The following STOX2 variants were observed in gnomAD, a reference collection of about 807,000 sequenced individuals.
The protein encoded by STOX2 is storkhead box 2, also known as storkhead-box protein 2.
A neutral mutation model predicts 60.9 loss-of-function variants in STOX2; 28 were observed. That is an observed-to-expected ratio of 0.46 (90% CI 0.34 to 0.63). The LOEUF (loss-of-function observed/expected upper bound fraction) is 0.63. STOX2 is among the 30% of genes least tolerant of loss of function. The probability of loss-of-function intolerance (pLI) is 0.01; values close to 1 mark genes in which losing one functional copy is unlikely to be tolerated. For synonymous variants in STOX2, 472 were observed against 463.9 expected (o/e 1.02, Z -0.22); for missense variants, 1,024 against 1,187.7 (o/e 0.86, Z 2.03).
At chr4:183,861,137 T>C (rs1162829058) in intron 1 of STOX2, among the ~76,000 whole-genome samples, 1 of 152,168 alleles carries the variant, frequency 6.6e-6, no homozygotes, top group Non-Finnish European at 1.5e-5. Context: ...CGCTCCTAAC[T>C]AAAAGTGCTG....
At chr4:183,837,456 C>T (rs767209375) in intron 1 of STOX2, among the ~76,000 whole-genome samples, 15 of 151,508 alleles carry the variant, frequency 9.9e-5, no homozygotes, top group Admixed American at 9.2e-4. Flanking sequence ...TTTCAGAGTC[C>T]GTGCTTTTTT....
intron 1 of STOX2, among the ~76,000 whole-genome samples, chr4:183,812,940 A>G (rs1739068569): frequency 6.6e-6 from 1 of 152,266 alleles, no homozygotes; most frequent in Non-Finnish European, 1.5e-5. Context: ...TGCCTTCTCA[A>G]GTCATAAAAG....
intron 1 of STOX2, among the ~76,000 whole-genome samples, chr4:183,971,975 T>C (rs1442082291): frequency 6.6e-6 from 1 of 152,196 alleles, no homozygotes; most frequent in African/African-American, 2.4e-5. Context: ...CGAAATCCAG[T>C]AGGTCACACT....
intron 1 of STOX2, among the ~76,000 whole-genome samples, chr4:183,862,874 C>G (rs1171999673): frequency 3.3e-5 from 5 of 152,172 alleles, no homozygotes; most frequent in African/African-American, 1.2e-4. Context: ...TGGACCGTCA[C>G]TACCACCTCG....
intron 1 of STOX2, among the ~76,000 whole-genome samples, chr4:183,927,839 A>G (rs1742288636): frequency 6.6e-6 from 1 of 152,120 alleles, no homozygotes; most frequent in South Asian, 2.1e-4. Context: ...CTTGCTTAGG[A>G]GGAGAACAGA....
chr4:183,827,356 G>A (rs1043119671), intron 1 of STOX2, among the ~76,000 whole-genome samples: 3 of 152,120 alleles, frequency 2.0e-5, no homozygotes, highest in African/African-American at 2.4e-5. Context: ...AATTAGCTAC[G>A]TGTGGTGACA....
At chr4:183,919,141 G>T (rs940980554) in intron 1 of STOX2, among the ~76,000 whole-genome samples, 1 of 152,236 alleles carries the variant, frequency 6.6e-6, no homozygotes, top group African/African-American at 2.4e-5. Context: ...TCAAAGCATA[G>T]CTTCTGGAGC....
intron 1 of STOX2, among the ~76,000 whole-genome samples, chr4:183,938,081 C>T (rs375422290): frequency 1.6e-4 from 24 of 152,014 alleles, no homozygotes; most frequent in African/African-American, 4.6e-4. Context: ...CCTGGAAGGT[C>T]GAGGCTGCAG....
intron 1 of STOX2, among the ~76,000 whole-genome samples, chr4:183,826,638 G>T (rs1739439792): frequency 6.6e-6 from 1 of 152,234 alleles, no homozygotes; most frequent in Admixed American, 6.5e-5. Context: ...TGTGGCCCTG[G>T]CAGGTCACAC....
chr4:183,951,176 C>T (rs1217104754), intron 1 of STOX2, among the ~76,000 whole-genome samples: 1 of 148,926 alleles, frequency 6.7e-6, no homozygotes, highest in Non-Finnish European at 1.5e-5. Context: ...GATCGCGCCA[C>T]TGCACTCCAG....
chr4:184,009,135 G>GTTTT lies in STOX2; in HGVS notation c.320-23_320-22insTTTT, dbSNP rs780395991. Reference sequence around the variant, plus strand: ...ATGTTCTGTCTTCATTCTCACAAGTGGTTTTTTTTTTTTTTTTTTCAGGTG... The same window carrying GTTTT: ...ATGTTCTGTCTTCATTCTCACAAGTGTTTTGTTTTTTTTTTTTTTTTTTCAGGTG... On this transcript the variant is annotated intron_variant, in intron 2 of 3. Coordinates refer to ENST00000308497, the MANE Select transcript of STOX2 (RefSeq NM_020225.3). The surrounding 1 kb of genome is among the most constrained non-coding windows in gnomAD (Gnocchi z 4.0). The GTTTT allele has an allele frequency of 3.0e-6, 3 of 1,001,220 alleles. No individual in the cohort carries two copies. The highest frequency in any genetic ancestry group is 3.1e-5 in the Admixed American group (1 of 32,718). The allele number at this position is 1,001,220 out of a possible 1,614,324, so 62.0% of individuals were successfully genotyped here.
In STOX2 at chr4:183,851,225, C is replaced by G. The variant is rs796770489; in HGVS notation, c.364+53170C>G. 5.3e-4 allele frequency among the ~76,000 whole-genome samples: 19 copies of G among 35,928 alleles called. 1 individual carries two copies. The highest frequency in any genetic ancestry group is 7.6e-4 in the Non-Finnish European group (14 of 18,364). The allele number at this position is 35,928 out of a possible 152,430, so 23.6% of individuals were successfully genotyped here. On this transcript the variant is annotated intron_variant, in intron 1 of 2. Coordinates refer to the STOX2 transcript ENST00000513034. ...GAAACGATGGAAAGGATGAGAGAAA[C>G]GATGAGGGAAAGGATGAGGGAAAGG...
In STOX2 at chr4:184,021,596, G is replaced by A. The variant is rs535145685; in HGVS notation, c.*4312G>A. The A allele has an allele frequency of 3.3e-5, 5 of 152,306 alleles. No homozygotes were observed. The highest frequency in any genetic ancestry group is 1.2e-4 in the African/African-American group (5 of 41,554). 9.4% of individuals were successfully genotyped at this position (152,306 alleles called of 1,614,324 possible). On this transcript the variant is annotated 3_prime_UTR_variant, in exon 4 of 4. Coordinates refer to ENST00000308497, the MANE Select transcript of STOX2 (RefSeq NM_020225.3). ...ACCCTTGTTTACAGTTTCATATTGGGTTGCTATAGTTCCCGTGCTAAATCA... is the reference window on the plus strand; with the variant it reads ...ACCCTTGTTTACAGTTTCATATTGGATTGCTATAGTTCCCGTGCTAAATCA...
intron 1 of STOX2, among the ~76,000 whole-genome samples, chr4:183,964,626 G>C (rs145559874): frequency 6.6e-6 from 1 of 151,744 alleles, no homozygotes; most frequent in African/African-American, 2.4e-5. Flanking sequence ...GTGTTGCTCC[G>C]TCGCACCCAG....
intron 1 of STOX2, among the ~76,000 whole-genome samples, chr4:183,952,035 G>T (rs569276235): frequency 2.6e-5 from 4 of 152,274 alleles, no homozygotes; most frequent in Non-Finnish European, 4.4e-5. Flanking sequence ...CATTAAAGTG[G>T]TTTTGTTTGC....
intron 1 of STOX2, among the ~76,000 whole-genome samples, chr4:183,925,933 A>T (rs1184161271): frequency 6.6e-6 from 1 of 151,672 alleles, no homozygotes; most frequent in Non-Finnish European, 1.5e-5. Context: ...ACTTTTATTT[A>T]TGGCAGTTAT....
At chr4:183,967,790 A>G (rs1743622501) in intron 1 of STOX2, among the ~76,000 whole-genome samples, 1 of 152,248 alleles carries the variant, frequency 6.6e-6, no homozygotes, top group South Asian at 2.1e-4. Flanking sequence ...TAGTGCCACG[A>G]AAGTATGAAA....
At chr4:183,966,516 T>C (rs1416952333) in intron 1 of STOX2, among the ~76,000 whole-genome samples, 1 of 152,124 alleles carries the variant, frequency 6.6e-6, no homozygotes, top group Non-Finnish European at 1.5e-5. Flanking sequence ...TTCATCACAG[T>C]CACCCTCCCG....
At position 183,933,322 on chromosome 4, in the gene STOX2, G is replaced by C. The variant is rs141453897; in HGVS notation, c.166+26366G>C. ...ATTGGGAATGGCTTTTCCTAAGCCTGTCTAGTTCTTATTGAAATTAAAGCA... is the reference window on the plus strand; with the variant it reads ...ATTGGGAATGGCTTTTCCTAAGCCTCTCTAGTTCTTATTGAAATTAAAGCA... On this transcript the variant is annotated intron_variant, in intron 1 of 3. Transcript: ENST00000308497. Among the ~76,000 whole-genome samples the C allele has an allele frequency of 5.9e-3, 896 of 152,312 alleles. 5 individuals are homozygous for C. The highest frequency in any genetic ancestry group is 0.018 in the African/African-American group (748 of 41,572).
Sources: gnomAD v4.1 joint callset for allele counts (sites outside exome capture counted in the v4.1 genomes callset) on GRCh38, gnomAD v4.1.1 for gene constraint, Gnocchi (gnomAD v3.1) non-coding constraint, MANE v1.5 for transcripts, NCBI Gene and HGNC (gene_info 2026-07-23, HGNC 2026-07-21) for gene names.